Variants in ADARB2 observed in about 807,000 individuals in gnomAD.
ADARB2 encodes inactive double-stranded RNA-specific editase B2.
ADARB2 carries 25 observed loss-of-function variants against 62.2 expected under a neutral mutation model. That is an observed-to-expected ratio of 0.40 (90% CI 0.29 to 0.56). The LOEUF (loss-of-function observed/expected upper bound fraction) is 0.56. Among genes scored for constraint, ADARB2 ranks in the 20% least tolerant of loss-of-function variants. ADARB2 has a pLI of 0.43. For missense variants in ADARB2, 1,071 were observed against 1,077.4 expected (o/e 0.99, Z 0.08); for synonymous variants, 572 against 500.8 (o/e 1.14, Z -1.90).
intron 3 of ADARB2, among the ~76,000 whole-genome samples, chr10:1,294,384 C>T (rs1355565412): frequency 6.6e-6 from 1 of 152,150 alleles, no homozygotes; most frequent in African/African-American, 2.4e-5. Flanking sequence ...TCCTCACTTA[C>T]CCATCTTCAG....
chr10:1,641,450 AT>A lies in ADARB2; in HGVS notation c.100+95600del, dbSNP rs956564371. On this transcript the variant is annotated intron_variant, in intron 1 of 9. Transcript: ENST00000381312. ...CATAGGCTGTTGTTTAAACCACAGC[AT>A]TTTTTGAAGGAAATAAAAGGTCTGT... 1.1e-3 allele frequency among the ~76,000 whole-genome samples: 162 copies of A among 152,374 alleles called. 1 individual carries two copies. Among genetic ancestry groups the A allele is most frequent in the African/African-American group, 3.7e-3 (155 of 41,590 alleles).
intron 2 of ADARB2, among the ~76,000 whole-genome samples, chr10:1,364,807 A>C (rs2805576): frequency 0.055 from 8,299 of 150,880 alleles, 781 homozygotes; most frequent in African/African-American, 0.19. Flanking sequence ...GAGTTGAGCA[A>C]CTCTATCAGC....
intron 1 of ADARB2, among the ~76,000 whole-genome samples, chr10:1,449,318 G>A (rs771938365): frequency 7.2e-5 from 11 of 152,048 alleles, no homozygotes; most frequent in Non-Finnish European, 1.5e-4. Flanking sequence ...GCTGGACCCC[G>A]TGCCCCTTCA....
At position 1,474,154 on chromosome 10, in the gene ADARB2, C is replaced by T. The variant is rs142632593; in HGVS notation, c.101-94994G>A. On this transcript the variant is annotated intron_variant, in intron 1 of 9. Transcript: ENST00000381312. The stretch of plus-strand genomic sequence containing the variant: ...TCAGGCTTGATTCCTGCATGGCCTT[C>T]GCGTGTATCTCACAGTACACGTCAC... 3.6e-3 allele frequency among the ~76,000 whole-genome samples: 545 copies of T among 152,140 alleles called. 4 individuals carry two copies. Among genetic ancestry groups the T allele is most frequent in the Admixed American group, 6.9e-3 (105 of 15,298 alleles).
At chr10:1,411,801 C>T (rs906315314) in intron 1 of ADARB2, among the ~76,000 whole-genome samples, 4 of 152,340 alleles carry the variant, frequency 2.6e-5, no homozygotes, top group African/African-American at 9.6e-5. Flanking sequence ...ACAGCAAGTG[C>T]CCCTCAGCGC....
At chr10:1,725,504 G>A (rs1835152334) in intron 1 of ADARB2, among the ~76,000 whole-genome samples, 1 of 151,830 alleles carries the variant, frequency 6.6e-6, no homozygotes, top group Non-Finnish European at 1.5e-5. Context: ...GGACTCTGCG[G>A]TGGGGGAAGA....
chr10:1,194,009 T>A (rs776524246), intron 8 of ADARB2, among the ~76,000 whole-genome samples: 7 of 152,228 alleles, frequency 4.6e-5, no homozygotes, highest in Non-Finnish European at 8.8e-5. Context: ...TCTTTAAATA[T>A]CTCTCCTGTT....
chr10:1,641,823 G>A (rs1399369354), intron 1 of ADARB2, among the ~76,000 whole-genome samples: 13 of 152,158 alleles, frequency 8.5e-5, no homozygotes, highest in African/African-American at 3.1e-4. Flanking sequence ...GACCAGCCTG[G>A]CCAACACGAT....
chr10:1,433,275 C>T (rs1176551963), intron 1 of ADARB2, among the ~76,000 whole-genome samples: 1 of 152,072 alleles, frequency 6.6e-6, no homozygotes, highest in Non-Finnish European at 1.5e-5. Context: ...TCGTGTGTGC[C>T]CAGGACATCT....
At position 1,640,933 on chromosome 10, in the gene ADARB2, C is replaced by G. The variant is rs372965356; in HGVS notation, c.100+96118G>C. Among the ~76,000 whole-genome samples the G allele has an allele frequency of 2.6e-5, 4 of 152,164 alleles. No individual in the cohort carries two copies. The East Asian group carries it at 7.7e-4, about 29-fold the overall frequency. On this transcript the variant is annotated intron_variant, in intron 1 of 9. Transcript: ENST00000381312. ...CGGCTGGACAAAGCTGCCCTGTGGT[C>G]TCACTTGGCTACAATTGCAAGATCC... is the stretch of plus-strand genomic sequence containing the variant.
intron 3 of ADARB2, among the ~76,000 whole-genome samples, chr10:1,309,738 C>T (rs1046445471): frequency 6.6e-6 from 1 of 152,184 alleles, no homozygotes; most frequent in African/African-American, 2.4e-5. Flanking sequence ...GAGAAGTCAG[C>T]CCTGGATTTT....
At chr10:1,655,496 T>C (rs1588340655) in intron 1 of ADARB2, among the ~76,000 whole-genome samples, 1 of 152,220 alleles carries the variant, frequency 6.6e-6, no homozygotes. Context: ...AATTTGCTAT[T>C]GATTAACTAT....
chr10:1,482,485 G>T (rs117612639), intron 1 of ADARB2, among the ~76,000 whole-genome samples: 1 of 152,114 alleles, frequency 6.6e-6, no homozygotes, highest in Non-Finnish European at 1.5e-5. Flanking sequence ...TGTCAAATTC[G>T]TAGAGACCAA....
At chr10:1,424,322 A>C (rs1832877339) in intron 1 of ADARB2, among the ~76,000 whole-genome samples, 1 of 152,158 alleles carries the variant, frequency 6.6e-6, no homozygotes, top group African/African-American at 2.4e-5. Context: ...CTCCTGGCCT[A>C]ATGGATGCTC....
At chr10:1,563,673 A>G (rs1832818872) in intron 1 of ADARB2, among the ~76,000 whole-genome samples, 2 of 151,664 alleles carry the variant, frequency 1.3e-5, no homozygotes, top group Admixed American at 6.6e-5. Flanking sequence ...GTACATGTGC[A>G]CAATGTGCAG....
At chr10:1,717,953 T>A (rs527396542) in intron 1 of ADARB2, among the ~76,000 whole-genome samples, 28 of 152,272 alleles carry the variant, frequency 1.8e-4, no homozygotes, top group African/African-American at 6.5e-4. Context: ...CTTTTAAACA[T>A]GTATTAAATG....
intron 1 of ADARB2, among the ~76,000 whole-genome samples, chr10:1,575,703 G>A (rs930067557): frequency 6.6e-6 from 1 of 152,160 alleles, no homozygotes; most frequent in East Asian, 1.9e-4. Context: ...GGTTCAGCTG[G>A]GGGACTCTGT....
chr10:1,370,496 A>G (rs1486457486), intron 2 of ADARB2, among the ~76,000 whole-genome samples: 2 of 152,250 alleles, frequency 1.3e-5, no homozygotes, highest in Non-Finnish European at 2.9e-5. Flanking sequence ...ATTGGAAAAG[A>G]GGAAGTGAAA....
At chr10:1,223,335 C>T (rs1317943746) in intron 6 of ADARB2, among the ~76,000 whole-genome samples, 2 of 152,212 alleles carry the variant, frequency 1.3e-5, no homozygotes, top group Admixed American at 6.5e-5. Flanking sequence ...ATGGGGTTTT[C>T]TAGATATACA....
Sources: gnomAD v4.1 joint callset for allele counts (sites outside exome capture counted in the v4.1 genomes callset) on GRCh38, gnomAD v4.1.1 for gene constraint, MANE v1.5 for transcripts, NCBI Gene and HGNC (gene_info 2026-07-23, HGNC 2026-07-21) for gene names.